The following RALGAPB variants were observed in gnomAD, a reference collection of about 807,000 sequenced individuals.
RALGAPB encodes ral GTPase-activating protein subunit beta.
Under a neutral mutation model 161.1 loss-of-function variants are expected in RALGAPB, and 25 were observed. That is an observed-to-expected ratio of 0.16 (90% CI 0.11 to 0.22). The LOEUF is 0.22. RALGAPB is among the 10% of genes least tolerant of loss of function. The probability of loss-of-function intolerance (pLI) is 1.00; values close to 1 mark genes in which losing one functional copy is unlikely to be tolerated. For missense variants in RALGAPB, 1,391 were observed against 1,815.2 expected (o/e 0.77, Z 4.25); for synonymous variants, 629 against 626.1 (o/e 1.00, Z -0.07).
At chr20:38,539,126 A>AC (rs2086892713) in intron 16 of RALGAPB, among the ~76,000 whole-genome samples, 1 of 152,212 alleles carries the variant, frequency 6.6e-6, no homozygotes, top group Non-Finnish European at 1.5e-5. Context: ...AGTGAAAGAA[A>AC]CCAGACCAAA....
intron 1 of RALGAPB, among the ~76,000 whole-genome samples, chr20:38,481,151 C>A (rs1201938078): frequency 6.6e-6 from 1 of 152,180 alleles, no homozygotes; most frequent in South Asian, 2.1e-4. Context: ...CTTTCCTGAT[C>A]TTACCCTGTT....
chr20:38,509,355 C>A, intron 6 of RALGAPB, 147 bp downstream of exon 6: 1 of 894,978 alleles, frequency 1.1e-6, no homozygotes, highest in Non-Finnish European at 1.7e-6. Context: ...AAGCACATTT[C>A]TGTCCTGTGC....
chr20:38,518,227 T>G (rs898790603), intron 9 of RALGAPB, among the ~76,000 whole-genome samples: 1 of 152,214 alleles, frequency 6.6e-6, no homozygotes, highest in Non-Finnish European at 1.5e-5. Flanking sequence ...TTGTCTGGTT[T>G]TATTAGACAT....
At chr20:38,484,679 G>A (rs1397638344) in intron 1 of RALGAPB, among the ~76,000 whole-genome samples, 1 of 152,120 alleles carries the variant, frequency 6.6e-6, no homozygotes, top group East Asian at 1.9e-4. Context: ...TTCCTTCTAG[G>A]TGACAGCTAG....
At chr20:38,545,974 C>T (rs1028200888) in intron 18 of RALGAPB, among the ~76,000 whole-genome samples, 2 of 152,102 alleles carry the variant, frequency 1.3e-5, no homozygotes, top group African/African-American at 2.4e-5. Context: ...TTTTCTGTTC[C>T]GGATATTGAC....
chr20:38,499,418 C>A lies in RALGAPB; in HGVS notation c.554-29C>A, dbSNP rs369928478. 16 of 1,543,840 alleles carry A rather than the reference C, an allele frequency of 1.0e-5. No homozygotes were observed. The African/African-American group carries it at 1.9e-4, about 19-fold the overall frequency. Reference sequence around the variant, plus strand: ...GATTCTGCTTTAAAAATAAGTTTGCCAAAGATGTGTTTTCTTTTTGTTGGT... The same window carrying A: ...GATTCTGCTTTAAAAATAAGTTTGCAAAAGATGTGTTTTCTTTTTGTTGGT... On this transcript the variant is annotated intron_variant, in intron 4 of 29. Coordinates refer to ENST00000262879, the MANE Select transcript of RALGAPB (RefSeq NM_020336.4).
intron 1 of RALGAPB, among the ~76,000 whole-genome samples, chr20:38,475,218 T>C (rs551142932): frequency 1.3e-5 from 2 of 152,362 alleles, no homozygotes; most frequent in South Asian, 2.1e-4. Context: ...TAAATGCCAC[T>C]GCCTTGTTGG....
At chr20:38,503,764 A>G (rs1337498603) in intron 5 of RALGAPB, among the ~76,000 whole-genome samples, 2 of 152,238 alleles carry the variant, frequency 1.3e-5, no homozygotes, top group African/African-American at 4.8e-5. Flanking sequence ...CATGCCACAG[A>G]TAAATTTTTT....
At chr20:38,509,320 A>C in intron 6 of RALGAPB, 112 bp downstream of exon 6, 1 of 1,136,530 alleles carries the variant, frequency 8.8e-7, no homozygotes. Context: ...AGCCCCATTC[A>C]TCAAATGGAA....
intron 5 of RALGAPB, among the ~76,000 whole-genome samples, chr20:38,501,987 T>C (rs1056134699): frequency 6.6e-5 from 10 of 152,200 alleles, no homozygotes; most frequent in Admixed American, 6.5e-5. Flanking sequence ...AAATTAAAAT[T>C]TATTAAAACT....
chr20:38,571,495 G>A (rs1484964071), intron 28 of RALGAPB, among the ~76,000 whole-genome samples: 5 of 152,142 alleles, frequency 3.3e-5, no homozygotes, highest in Non-Finnish European at 5.9e-5. Flanking sequence ...CTGCCTTAGC[G>A]TAATGTACTC....
At chr20:38,535,309 G>A in intron 16 of RALGAPB, 102 bp downstream of exon 16, 1 of 1,342,300 alleles carries the variant, frequency 7.4e-7, no homozygotes, top group Admixed American at 2.1e-5. Flanking sequence ...TGTTGATCAT[G>A]CTCAAACATA....
At chr20:38,548,984 G>C (rs17832249) in intron 20 of RALGAPB, among the ~76,000 whole-genome samples, 189 bp downstream of exon 20, 36,206 of 152,158 alleles carry the variant, frequency 0.24, 5,568 homozygotes, top group East Asian at 0.53. Flanking sequence ...TTAAAGACAT[G>C]TTCAAGGCAG....
At chr20:38,484,433 G>A (rs989609535) in intron 1 of RALGAPB, among the ~76,000 whole-genome samples, 1 of 152,138 alleles carries the variant, frequency 6.6e-6, no homozygotes. Flanking sequence ...CTTTCCACAA[G>A]GATTTTGCTA....
Position 38,575,123 on chromosome 20 carries a change from TAGA to T in RALGAPB, c.*160_*162del. ...AAGAAACACATTATAACCCATTTGATAGAAGACTTTGGGCTATCTAGTGAAATG... is the reference window on the plus strand; with the variant it reads ...AAGAAACACATTATAACCCATTTGATAGACTTTGGGCTATCTAGTGAAATG... On this transcript the variant is annotated 3_prime_UTR_variant, in exon 30 of 30. Coordinates refer to ENST00000262879, the MANE Select transcript of RALGAPB (RefSeq NM_020336.4). 1.5e-6 allele frequency: 1 copy of T among 665,508 alleles called. No homozygotes were observed. Among genetic ancestry groups the T allele is most frequent in the Non-Finnish European group, 2.5e-6 (1 of 398,912 alleles). The allele number at this position is 665,508 out of a possible 1,614,324, so 41.2% of individuals were successfully genotyped here. A position where few individuals can be genotyped will look rare whatever the true frequency, so the allele number is the denominator to read the frequency against.
intron 6 of RALGAPB, among the ~76,000 whole-genome samples, chr20:38,511,977 G>A (rs973500243): frequency 1.3e-5 from 2 of 152,080 alleles, no homozygotes; most frequent in African/African-American, 4.8e-5. Flanking sequence ...CCTCCCGGAC[G>A]GGGCAGCTGG....
chr20:38,553,885 A>C lies in RALGAPB; in HGVS notation c.3181A>C (p.Lys1061Gln). ...VTEELEERHE[K>Q]LRSGMAQQIA... ...ATTACAGTTAGAAGAGAGACACGAAAAATTAAGGAGTGGCATGGCCCAGCA... is the reference window on the plus strand; with the variant it reads ...ATTACAGTTAGAAGAGAGACACGAACAATTAAGGAGTGGCATGGCCCAGCA... The change falls in exon 22 of 30, where the codon AAA becomes CAA. Residue 1061 changes from lysine (K) to glutamine (Q), a missense_variant. Physicochemically the swap from Lys to Gln is moderately conservative, Grantham distance 53. Transcript: ENST00000262879. 3 of 1,612,584 alleles carry C rather than the reference A, an allele frequency of 1.9e-6. No homozygotes were observed. Among genetic ancestry groups the C allele is most frequent in the Non-Finnish European group, 2.5e-6 (3 of 1,178,716 alleles).
rs1430853518 is a variant in RALGAPB, at chr20:38,574,842, C to A, written c.4360C>A (p.Pro1454Thr). 6.2e-6 allele frequency: 10 copies of A among 1,612,792 alleles called. No homozygotes were observed. In the East Asian group the frequency reaches 1.1e-4, roughly 18 times the overall value. ...RKRLESDSYS[P>T]PHVRRKQKIT... ...GAGACTGGAAAGTGACTCCTACAGT[C>A]CCCCCCATGTCCGCCGGAAACAGAA... The change falls in exon 30 of 30, where the codon CCC (proline) becomes ACC (threonine). Residue 1454 changes from proline to threonine, a missense_variant. Pro to Thr is a conservative substitution (Grantham distance 38). Transcript: ENST00000262879.
At chr20:38,499,685 C>A in intron 5 of RALGAPB, 52 bp downstream of exon 5, 1 of 1,513,080 alleles carries the variant, frequency 6.6e-7, no homozygotes, top group South Asian at 1.3e-5. Flanking sequence ...CCTTAGGCAG[C>A]TTTCTGGCAT....
Sources: allele counts gnomAD v4.1 joint callset (sites outside exome capture counted in the v4.1 genomes callset), GRCh38; gene constraint gnomAD v4.1.1; transcripts MANE v1.5; gene names NCBI Gene and HGNC (gene_info 2026-07-23, HGNC 2026-07-21).